The following SHLD2 variants were observed in gnomAD, a reference collection of about 807,000 sequenced individuals.
SHLD2 encodes the protein RINN1-REV7-interacting novel NHEJ regulator 2.
In SHLD2, 30 loss-of-function variants were observed where a neutral mutation model predicts 73.2. That is an observed-to-expected ratio of 0.41 (90% CI 0.31 to 0.56). SHLD2 has a LOEUF of 0.56. Among genes scored for constraint, SHLD2 ranks in the 20% least tolerant of loss-of-function variants. The pLI is 0.28. For synonymous variants in SHLD2, 285 were observed against 370.1 expected (o/e 0.77, Z 2.64); for missense variants, 745 against 1,055.9 (o/e 0.71, Z 4.08).
intron 2 of SHLD2, among the ~76,000 whole-genome samples, chr10:87,129,653 G>A (rs1302620551): frequency 6.6e-6 from 1 of 151,794 alleles, no homozygotes; most frequent in Non-Finnish European, 1.5e-5. Flanking sequence ...CATGGATGGA[G>A]TATCTACTCT....
chr10:87,187,115 A>G lies in SHLD2; in HGVS notation c.2430A>G (p.Arg810=). Residue 810 remains arginine (R), a synonymous_variant, in exon 9 of 10, where the codon AGA becomes AGG. Coordinates refer to ENST00000298786, the MANE Select transcript of SHLD2 (RefSeq NM_001330112.2). ...RPALMTAIDG[R]HDVCIRVESK... Reference sequence around the variant, plus strand: ...CGTTAATGACTGCCATTGATGGAAGACATGATGTTTGTATCCGTGTAGAAT... The same window carrying G: ...CGTTAATGACTGCCATTGATGGAAGGCATGATGTTTGTATCCGTGTAGAAT... 6.2e-7 allele frequency: 1 copy of G among 1,613,342 alleles called. No individual in the cohort carries two copies. The highest frequency in any genetic ancestry group is 1.1e-5 in the South Asian group (1 of 91,054).
intron 9 of SHLD2, 130 bp from the exon 10 acceptor site, chr10:87,190,354 T>C: frequency 1.2e-6 from 1 of 831,264 alleles, no homozygotes; most frequent in Non-Finnish European, 2.0e-6. Context: ...CCACCGCTAC[T>C]GGACGGGAGG....
Position 87,120,863 on chromosome 10 carries a change from C to T in SHLD2, c.-6+23874C>T, listed in dbSNP as rs192880076. 2.8e-4 allele frequency among the ~76,000 whole-genome samples: 42 copies of T among 151,870 alleles called. No individual in the cohort carries two copies. In the East Asian group the frequency reaches 6.0e-3, roughly 22 times the overall value. On this transcript the variant is annotated intron_variant, in intron 2 of 9. Transcript: ENST00000298786. ...GAGGTCAGGAGTTCGAGACCAGCCTCAATATGGAGAAACCCTGTCTCTACT... is the reference window on the plus strand; with the variant it reads ...GAGGTCAGGAGTTCGAGACCAGCCTTAATATGGAGAAACCCTGTCTCTACT...
At position 87,144,508 on chromosome 10, in the gene SHLD2, G is replaced by A. The variant is rs993961771; in HGVS notation, c.-5-6842G>A. Among the ~76,000 whole-genome samples, 114 of 151,408 alleles carry A rather than the reference G, an allele frequency of 7.5e-4. 1 individual carries two copies. The highest frequency in any genetic ancestry group is 2.7e-3 in the African/African-American group (111 of 41,196). ...TGAGCAATAGCTTTAAACTTCAACT[G>A]CTTTTGTTTCTGAGGAAAAAAATCA... On this transcript the variant is annotated intron_variant, in intron 2 of 9. Transcript: ENST00000298786.
chr10:87,096,418 C>T (rs1841892977), intron 1 of SHLD2, among the ~76,000 whole-genome samples: 1 of 151,856 alleles, frequency 6.6e-6, no homozygotes, highest in Non-Finnish European at 1.5e-5. Context: ...ATAGGAAATG[C>T]TAAAGTTCAC....
intron 2 of SHLD2, among the ~76,000 whole-genome samples, chr10:87,110,964 C>T (rs1842881290): frequency 6.6e-6 from 1 of 151,520 alleles, no homozygotes; most frequent in African/African-American, 2.4e-5. Flanking sequence ...CTGCCTCAGT[C>T]TCCCAAGTAG....
At chr10:87,137,412 A>G (rs1168693598) in intron 2 of SHLD2, among the ~76,000 whole-genome samples, 2 of 152,018 alleles carry the variant, frequency 1.3e-5, no homozygotes, top group Non-Finnish European at 2.9e-5. Flanking sequence ...GAGGGAAGGG[A>G]GAAAGAAAAA....
At chr10:87,173,120 C>A (rs1847715850) in intron 6 of SHLD2, among the ~76,000 whole-genome samples, 1 of 151,146 alleles carries the variant, frequency 6.6e-6, no homozygotes, top group Admixed American at 6.6e-5. Flanking sequence ...CTCACTGCAA[C>A]CTCCTCAAGT....
intron 2 of SHLD2, among the ~76,000 whole-genome samples, chr10:87,147,738 G>A (rs996136411): frequency 6.6e-6 from 1 of 151,866 alleles, no homozygotes; most frequent in African/African-American, 2.4e-5. Context: ...CCAAAATTTT[G>A]TGATTAACTG....
At chr10:87,172,532 G>A (rs1243374213) in intron 6 of SHLD2, among the ~76,000 whole-genome samples, 1 of 152,048 alleles carries the variant, frequency 6.6e-6, no homozygotes, top group Non-Finnish European at 1.5e-5. Flanking sequence ...TATATGTAAT[G>A]TATTATTTAG....
intron 7 of SHLD2, among the ~76,000 whole-genome samples, chr10:87,179,265 A>G: frequency 6.6e-6 from 1 of 152,242 alleles, no homozygotes; most frequent in Non-Finnish European, 1.5e-5. Flanking sequence ...GAAACGATTA[A>G]TAAATGAGAA....
At chr10:87,119,934 G>A (rs1843490380) in intron 2 of SHLD2, among the ~76,000 whole-genome samples, 1 of 152,016 alleles carries the variant, frequency 6.6e-6, no homozygotes, top group Non-Finnish European at 1.5e-5. Context: ...TTTAAAATAA[G>A]GCTACTGGAA....
chr10:87,174,843 TG>T (rs1847838338), intron 6 of SHLD2, among the ~76,000 whole-genome samples: 1 of 152,086 alleles, frequency 6.6e-6, no homozygotes, highest in African/African-American at 2.4e-5. Context: ...GTGGCCGGCG[TG>T]GTGGCTCCCG....
chr10:87,114,734 AAAAC>A (rs970343730), intron 2 of SHLD2, among the ~76,000 whole-genome samples: 86 of 152,224 alleles, frequency 5.6e-4, no homozygotes, highest in Non-Finnish European at 9.9e-4. Flanking sequence ...CAAAAAAACA[AAAAC>A]AAACAAACAA....
At chr10:87,141,528 C>T (rs1297539941) in intron 2 of SHLD2, among the ~76,000 whole-genome samples, 3 of 151,878 alleles carry the variant, frequency 2.0e-5, no homozygotes, top group South Asian at 4.2e-4. Context: ...TTTTAGTCCA[C>T]CACGTTAGCC....
intron 3 of SHLD2, among the ~76,000 whole-genome samples, chr10:87,153,486 T>A (rs1846160055): frequency 6.6e-6 from 1 of 152,144 alleles, no homozygotes; most frequent in African/African-American, 2.4e-5. Context: ...TGCCTTATTA[T>A]CAAAATTATA....
At chr10:87,142,247 C>T (rs4083508) in intron 2 of SHLD2, among the ~76,000 whole-genome samples, 17 of 152,260 alleles carry the variant, frequency 1.1e-4, no homozygotes, top group East Asian at 5.8e-4. Context: ...AGCTCCTTTA[C>T]GCTGAAGTTT....
chr10:87,178,274 T>C (rs1023714438), intron 7 of SHLD2, among the ~76,000 whole-genome samples: 1 of 131,592 alleles, frequency 7.6e-6, no homozygotes, highest in Non-Finnish European at 1.6e-5. Context: ...ACTTTTTGAG[T>C]GGAGGGAGGA....
Position 87,104,648 on chromosome 10 carries a change from G to A in SHLD2, c.-6+7659G>A, listed in dbSNP as rs148271827. On this transcript the variant is annotated intron_variant, in intron 2 of 9. Transcript: ENST00000298786. ...TAAAAAATATATTAACAAATTAACT[G>A]TACTAAGGTAGGATTCTTTTTTTTT... 5.9e-5 allele frequency among the ~76,000 whole-genome samples: 9 copies of A among 151,868 alleles called. No individual in the cohort carries two copies. In the East Asian group the frequency reaches 1.7e-3, roughly 29 times the overall value.
Sources: allele counts gnomAD v4.1 joint callset (sites outside exome capture counted in the v4.1 genomes callset), GRCh38; gene constraint gnomAD v4.1.1; transcripts MANE v1.5; gene names NCBI Gene and HGNC (gene_info 2026-07-23, HGNC 2026-07-21).